Variants in MXI1 observed in about 807,000 individuals in gnomAD.
MXI1 encodes max-interacting protein 1.
In MXI1, 18 loss-of-function variants were observed where a neutral mutation model predicts 36.9. The ratio of observed to expected loss-of-function variants is 0.49; its 90% CI spans 0.34 to 0.72. MXI1 has a LOEUF of 0.72. Ranked by LOEUF, MXI1 falls within the 30% of genes least tolerant of loss-of-function variation. The pLI is 0.01. For synonymous variants in MXI1, 160 were observed against 146.7 expected (o/e 1.09, Z -0.65); for missense variants, 304 against 379.1 (o/e 0.80, Z 1.64).
At chr10:110,234,088 A>G (rs1316054393) in intron 2 of MXI1, among the ~76,000 whole-genome samples, 1 of 152,202 alleles carries the variant, frequency 6.6e-6, no homozygotes, top group Non-Finnish European at 1.5e-5. Flanking sequence ...CTTAAGCCTT[A>G]CAGCTGTAGA....
intron 2 of MXI1, among the ~76,000 whole-genome samples, chr10:110,240,425 G>T (rs1168018526): frequency 6.6e-6 from 1 of 151,930 alleles, no homozygotes; most frequent in Non-Finnish European, 1.5e-5. Flanking sequence ...GGTGGTAATT[G>T]TTTTGTCATT....
chr10:110,227,526 C>T (rs929436036), intron 1 of MXI1: 55 of 986,054 alleles, frequency 5.6e-5, no homozygotes, highest in Non-Finnish European at 6.4e-5. Context: ...GCTTGGAGGG[C>T]CCCGGAGCGG....
At chr10:110,284,645 C>T (rs1857378314) in intron 5 of MXI1, among the ~76,000 whole-genome samples, 179 bp from the exon 6 acceptor site, 1 of 152,096 alleles carries the variant, frequency 6.6e-6, no homozygotes, top group Admixed American at 6.5e-5. Flanking sequence ...GTATATCAGA[C>T]ATTCCCCTTG....
chr10:110,236,494 C>T, intron 2 of MXI1, among the ~76,000 whole-genome samples: 1 of 152,184 alleles, frequency 6.6e-6, no homozygotes, highest in East Asian at 1.9e-4. Context: ...TTCACTCTTT[C>T]ACCCAGGCTG....
chr10:110,265,930 TA>T (rs1280492792), intron 3 of MXI1, among the ~76,000 whole-genome samples: 1 of 152,236 alleles, frequency 6.6e-6, no homozygotes, highest in Non-Finnish European at 1.5e-5. Flanking sequence ...TTTGCTCTTT[TA>T]ATCATTATAG....
rs1803998 is a variant in MXI1, at chr10:110,280,042, C to G, written c.681C>G (p.Ser227Arg). 6.3e-7 allele frequency: 1 copy of G among 1,599,232 alleles called. No individual in the cohort carries two copies. The highest frequency in any genetic ancestry group is 1.7e-5 in the Admixed American group (1 of 58,646). The change falls in exon 5 of 6, where the codon AGC (serine) becomes AGG (arginine). Residue 227 changes from serine to arginine, a missense_variant. By Grantham distance (110) the Ser-to-Arg change is moderately radical. Coordinates refer to ENST00000332674, the MANE Select transcript of MXI1 (RefSeq NM_130439.3). ...PQEMERIRMD[S>R]IGSTISSDRS... ...AGATGGAACGAATACGAATGGACAG[C>G]ATTGGATCAACTATTTCTTCAGATC...
chr10:110,254,998 C>A, intron 3 of MXI1, among the ~76,000 whole-genome samples: 1 of 151,980 alleles, frequency 6.6e-6, no homozygotes, highest in African/African-American at 2.4e-5. Flanking sequence ...AAACCATCAT[C>A]TATTGGAAGA....
intron 5 of MXI1, among the ~76,000 whole-genome samples, chr10:110,281,052 TTTTG>T (rs1206993149): frequency 3.3e-5 from 5 of 152,186 alleles, no homozygotes; most frequent in Admixed American, 6.5e-5. Flanking sequence ...GACAGAGTTT[TTTTG>T]TTTGTTTGTT....
chr10:110,229,583 T>G (rs1855188478), intron 2 of MXI1, among the ~76,000 whole-genome samples: 2 of 152,240 alleles, frequency 1.3e-5, no homozygotes, highest in Admixed American at 1.3e-4. Context: ...TTTTTTAGCT[T>G]CTTTTCATTA....
At chr10:110,265,464 C>T (rs1418488908) in intron 3 of MXI1, among the ~76,000 whole-genome samples, 3 of 152,188 alleles carry the variant, frequency 2.0e-5, no homozygotes, top group East Asian at 3.9e-4. Flanking sequence ...GTCTTATATA[C>T]CCCAAGATGA....
At chr10:110,248,302 A>C (rs1314771635) in intron 3 of MXI1, among the ~76,000 whole-genome samples, 1 of 152,190 alleles carries the variant, frequency 6.6e-6, no homozygotes, top group Non-Finnish European at 1.5e-5. Context: ...ATATGTAACT[A>C]ATCTGCACGT....
chr10:110,256,244 G>A (rs1449273190), intron 3 of MXI1, among the ~76,000 whole-genome samples: 2 of 151,942 alleles, frequency 1.3e-5, no homozygotes, highest in Non-Finnish European at 2.9e-5. Context: ...GTTGCATTAG[G>A]CATTGGTTTT....
chr10:110,234,385 G>A (rs1855383263), intron 2 of MXI1, among the ~76,000 whole-genome samples: 2 of 152,036 alleles, frequency 1.3e-5, no homozygotes, highest in African/African-American at 4.8e-5. Context: ...ATATAAACAT[G>A]CATTTTTTGT....
At position 110,285,207 on chromosome 10, in the gene MXI1, C is replaced by A; in HGVS notation, c.*220C>A. On this transcript the variant is annotated 3_prime_UTR_variant, in exon 6 of 6. Transcript: ENST00000332674. ...AAGGAGAACAAATATTCAGAATATT[C>A]ATATTGGAAAAATCACAATTTTTAA... 2.6e-6 allele frequency: 1 copy of A among 382,154 alleles called. No individual in the cohort carries two copies. The highest frequency in any genetic ancestry group is 4.6e-6 in the Non-Finnish European group (1 of 218,232). The allele number at this position is 382,154 out of a possible 1,614,324, so 23.7% of individuals were successfully genotyped here. A position where few individuals can be genotyped will look rare whatever the true frequency, so the allele number is the denominator to read the frequency against.
intron 5 of MXI1, among the ~76,000 whole-genome samples, chr10:110,281,774 T>G (rs1447383291): frequency 1.3e-5 from 2 of 152,166 alleles, no homozygotes; most frequent in African/African-American, 4.8e-5. Context: ...GTAAACTGGT[T>G]GGTAGATGCA....
chr10:110,267,244 A>AT (rs1280032269), intron 3 of MXI1, among the ~76,000 whole-genome samples: 1 of 152,262 alleles, frequency 6.6e-6, no homozygotes, highest in Non-Finnish European at 1.5e-5. Context: ...TACTACCCCA[A>AT]TAAAAAATAG....
chr10:110,232,509 C>A (rs1239579593), intron 2 of MXI1, among the ~76,000 whole-genome samples: 1 of 152,164 alleles, frequency 6.6e-6, no homozygotes, highest in African/African-American at 2.4e-5. Flanking sequence ...TAGTGTTCAT[C>A]ACATTTGTAG....
chr10:110,283,941 C>A (rs1857350913), intron 5 of MXI1, among the ~76,000 whole-genome samples: 1 of 148,798 alleles, frequency 6.7e-6, no homozygotes, highest in Non-Finnish European at 1.5e-5. Flanking sequence ...CCCACTATAC[C>A]CAGCTAATTT....
intron 3 of MXI1, among the ~76,000 whole-genome samples, chr10:110,267,710 G>T (rs976197331): frequency 6.6e-6 from 1 of 152,154 alleles, no homozygotes; most frequent in Non-Finnish European, 1.5e-5. Flanking sequence ...TAATGGAAAA[G>T]AATTTTTCTT....
Sources: gnomAD v4.1 joint callset for allele counts (sites outside exome capture counted in the v4.1 genomes callset) on GRCh38, gnomAD v4.1.1 for gene constraint, MANE v1.5 for transcripts, NCBI Gene and HGNC (gene_info 2026-07-23, HGNC 2026-07-21) for gene names.